DTL: variants seen among roughly 807,000 people sequenced by gnomAD.
DTL encodes the protein denticleless protein homolog.
DTL carries 46 observed loss-of-function variants against 87.0 expected under a neutral mutation model. The ratio of observed to expected loss-of-function variants is 0.53; its 90% CI spans 0.42 to 0.68. DTL has a LOEUF of 0.68. Among genes scored for constraint, DTL ranks in the 30% least tolerant of loss-of-function variants. The pLI is 0.00. For synonymous variants in DTL, 308 were observed against 311.2 expected (o/e 0.99, Z 0.11); for missense variants, 737 against 869.4 (o/e 0.85, Z 1.91).
intron 13 of DTL, among the ~76,000 whole-genome samples, chr1:212,089,118 T>C (rs968590009): frequency 6.6e-6 from 1 of 152,152 alleles, no homozygotes; most frequent in Non-Finnish European, 1.5e-5. Context: ...AAACTGTTAG[T>C]AGACTCTGTA....
intron 13 of DTL, among the ~76,000 whole-genome samples, chr1:212,081,718 A>G (rs765339593): frequency 1.3e-5 from 2 of 152,190 alleles, no homozygotes; most frequent in Non-Finnish European, 2.9e-5. Flanking sequence ...GAGGGATCAG[A>G]TGTGGGGCTA....
intron 7 of DTL, among the ~76,000 whole-genome samples, chr1:212,065,332 C>G (rs1288572510): frequency 6.6e-6 from 1 of 151,834 alleles, no homozygotes; most frequent in Admixed American, 6.6e-5. Context: ...TGTCTCATGC[C>G]ATTAAGCAGA....
At chr1:212,045,152 C>T (rs1430125081) in intron 3 of DTL, among the ~76,000 whole-genome samples, 1 of 152,162 alleles carries the variant, frequency 6.6e-6, no homozygotes, top group Non-Finnish European at 1.5e-5. Flanking sequence ...ACCCCCATGA[C>T]CCAAATGCCT....
At chr1:212,043,699 G>A (rs552579012) in intron 2 of DTL, among the ~76,000 whole-genome samples, 13 of 151,794 alleles carry the variant, frequency 8.6e-5, no homozygotes, top group Non-Finnish European at 1.5e-4. Flanking sequence ...GCGTGGTGGC[G>A]CACCCCTGTA....
intron 11 of DTL, among the ~76,000 whole-genome samples, chr1:212,074,814 T>C (rs1009585961): frequency 3.9e-5 from 6 of 152,032 alleles, no homozygotes; most frequent in Non-Finnish European, 8.8e-5. Flanking sequence ...GAAAACAAAA[T>C]AGAAGGGAGT....
intron 7 of DTL, 33 bp downstream of exon 7, chr1:212,065,062 A>G: frequency 6.9e-7 from 1 of 1,442,944 alleles, no homozygotes; most frequent in Non-Finnish European, 9.8e-7. Flanking sequence ...ATGTGTGCAG[A>G]TCTTATCTGT....
chr1:212,065,391 A>G lies in DTL; in HGVS notation c.639+362A>G, dbSNP rs375570722. 1.8e-4 allele frequency among the ~76,000 whole-genome samples: 28 copies of G among 152,248 alleles called. 1 individual carries two copies. Among genetic ancestry groups the G allele is most frequent in the African/African-American group, 6.3e-4 (26 of 41,538 alleles). On this transcript the variant is annotated intron_variant, in intron 7 of 14. Coordinates refer to ENST00000366991, the MANE Select transcript of DTL (RefSeq NM_016448.4). The stretch of plus-strand genomic sequence containing the variant: ...TCAATATCTACATTTTAAAAAATTG[A>G]TAACATAATTTTACATATTTTGGGG...
chr1:212,097,390 G>C (rs143054319), intron 13 of DTL, among the ~76,000 whole-genome samples: 360 of 152,196 alleles, frequency 2.4e-3, no homozygotes, highest in African/African-American at 8.2e-3. Context: ...TGGATGTCTA[G>C]ATCTCGAGCA....
Position 212,047,392 on chromosome 1 carries a change from A to G in DTL, c.435A>G (p.Ser145=). 1 of 1,614,230 alleles carries G rather than the reference A, an allele frequency of 6.2e-7. No homozygotes were observed. Among genetic ancestry groups the G allele is most frequent in the Non-Finnish European group, 8.5e-7 (1 of 1,180,036 alleles). ...TCKGHQCSLK[S]VAFSKFEKAV... The stretch of plus-strand genomic sequence containing the variant: ...AAGGTCATCAATGCAGCCTCAAGTC[A>G]GTTGCCTTTTCTAAGTTTGAGAAAG... The change falls in exon 5 of 15, where the codon TCA becomes TCG. Residue 145 remains serine (S), a synonymous_variant. Transcript: ENST00000366991.
intron 13 of DTL, among the ~76,000 whole-genome samples, chr1:212,086,528 T>C (rs551399506): frequency 9.8e-5 from 15 of 152,312 alleles, no homozygotes; most frequent in African/African-American, 2.9e-4. Flanking sequence ...TAGCTGGGAC[T>C]ACAGGCATGC....
At chr1:212,057,992 TA>T (rs1668230460) in intron 5 of DTL, among the ~76,000 whole-genome samples, 3 of 152,172 alleles carry the variant, frequency 2.0e-5, no homozygotes, top group Admixed American at 2.0e-4. Context: ...AAGGTTATTC[TA>T]TGATGATAAA....
At chr1:212,053,804 G>A (rs1017311620) in intron 5 of DTL, among the ~76,000 whole-genome samples, 2 of 152,000 alleles carry the variant, frequency 1.3e-5, no homozygotes, top group South Asian at 2.1e-4. Context: ...CAGGCTAAGT[G>A]TACGTTTCTT....
intron 13 of DTL, among the ~76,000 whole-genome samples, chr1:212,091,062 A>C (rs1442707212): frequency 6.6e-6 from 1 of 152,248 alleles, no homozygotes; most frequent in Admixed American, 6.5e-5. Context: ...AGCTATTAAA[A>C]ATGATAAATC....
intron 5 of DTL, among the ~76,000 whole-genome samples, chr1:212,061,801 A>G (rs1465124710): frequency 6.6e-6 from 1 of 152,238 alleles, no homozygotes; most frequent in African/African-American, 2.4e-5. Flanking sequence ...GGGTGCTAAA[A>G]CAGTATCATG....
chr1:212,056,885 G>A (rs761483999), intron 5 of DTL, among the ~76,000 whole-genome samples: 1 of 152,022 alleles, frequency 6.6e-6, no homozygotes, highest in Non-Finnish European at 1.5e-5. Context: ...ACTAGATCAA[G>A]CAGAAGAATC....
chr1:212,063,006 G>A (rs1654379063), intron 6 of DTL, 57 bp downstream of exon 6: 2 of 1,325,480 alleles, frequency 1.5e-6, no homozygotes, highest in Non-Finnish European at 2.2e-6. Flanking sequence ...ACTTAATTTT[G>A]AGTGAAAGAG....
Position 212,047,094 on chromosome 1 carries a change from T to C in DTL, c.278-57T>C, listed in dbSNP as rs1023747023. ...TTCCAGGCATTTAAAGTTATATTAA[T>C]ATGGGTACCACAGAATACAATTTAG... On this transcript the variant is annotated intron_variant, in intron 3 of 14. Transcript: ENST00000366991. The C allele has an allele frequency of 3.3e-6, 5 of 1,492,888 alleles. No homozygotes were observed. The African/African-American group carries it at 5.5e-5, about 17-fold the overall frequency. The allele number at this position is 1,492,888 out of a possible 1,614,324, so 92.5% of individuals were successfully genotyped here.
intron 5 of DTL, among the ~76,000 whole-genome samples, chr1:212,057,343 T>C (rs1668208237): frequency 1.5e-5 from 2 of 134,388 alleles, no homozygotes; most frequent in African/African-American, 5.5e-5. Context: ...TGAGATGATA[T>C]ATTCAACATG....
At chr1:212,059,796 A>C (rs1668288327) in intron 5 of DTL, among the ~76,000 whole-genome samples, 3 of 132,912 alleles carry the variant, frequency 2.3e-5, no homozygotes, top group South Asian at 2.4e-4. Context: ...AAAAAAAAAA[A>C]AAAAAAACCT....
Sources: gnomAD v4.1 joint callset for allele counts (sites outside exome capture counted in the v4.1 genomes callset) on GRCh38, gnomAD v4.1.1 for gene constraint, MANE v1.5 for transcripts, NCBI Gene and HGNC (gene_info 2026-07-23, HGNC 2026-07-21) for gene names.